Variants in AIF1 observed in about 807,000 individuals in gnomAD.
AIF1 encodes allograft inflammatory factor 1.
A neutral mutation model predicts 20.6 loss-of-function variants in AIF1; 21 were observed. That is an observed-to-expected ratio of 1.02 (90% CI 0.72 to 1.47). The LOEUF is 1.47. Among genes scored for constraint, AIF1 ranks in the 40% most tolerant of loss-of-function variants. The pLI is 0.00. For synonymous variants in AIF1, 52 were observed against 65.8 expected (o/e 0.79, Z 1.01); for missense variants, 161 against 170.5 (o/e 0.94, Z 0.31).
chr6:31,615,424 A>T, intron 1 of AIF1, 70 bp downstream of exon 1: 1 of 1,613,476 alleles, frequency 6.2e-7, no homozygotes, highest in Non-Finnish European at 8.5e-7. Context: ...GCTGTGGGCT[A>T]GGAGGGCAGT....
At position 31,616,033 on chromosome 6, in the gene AIF1, CCCCTT is replaced by C. The variant is rs1774318026; in HGVS notation, c.155-68_155-64del. 3 of 1,523,512 alleles carry C rather than the reference CCCCTT, an allele frequency of 2.0e-6. No individual in the cohort carries two copies. The Admixed American group carries it at 6.6e-5, about 34-fold the overall frequency. The allele number at this position is 1,523,512 out of a possible 1,614,324, so 94.4% of individuals were successfully genotyped here. A position where few individuals can be genotyped will look rare whatever the true frequency, so the allele number is the denominator to read the frequency against. On this transcript the variant is annotated intron_variant, in intron 3 of 5. Coordinates refer to ENST00000376059, the MANE Select transcript of AIF1 (RefSeq NM_001623.5). The surrounding 1 kb of genome is among the most constrained non-coding windows in gnomAD (Gnocchi z 4.0). ...CCTCCACCTAGCAGTTGGTTGGCAA[CCCCTT>C]CCTCAGTCCCCTGCTGAAAACCCTC... is the stretch of plus-strand genomic sequence containing the variant.
rs1583150197 is a variant in AIF1 at position 31,616,329 on chromosome 6, A to C, written c.197-15A>C. The C allele has an allele frequency of 6.2e-7, 1 of 1,612,754 alleles. No individual in the cohort carries two copies. The highest frequency in any genetic ancestry group is 2.2e-5 in the East Asian group (1 of 44,854). On this transcript the variant is annotated splice_polypyrimidine_tract_variant and intron_variant, in intron 4 of 5. Coordinates refer to ENST00000376059, the MANE Select transcript of AIF1 (RefSeq NM_001623.5). The surrounding 1 kb of genome is among the most constrained non-coding windows in gnomAD (Gnocchi z 4.0). Reference sequence around the variant, plus strand: ...GTCTCCCCACCTTCTCCCCATCCCCATCCTCTGCCCCCAGATATCATGTCC... The same window carrying C: ...GTCTCCCCACCTTCTCCCCATCCCCCTCCTCTGCCCCCAGATATCATGTCC...
In AIF1 at chr6:31,616,311, C is replaced by T; in HGVS notation, c.197-33C>T. 6.2e-7 allele frequency: 1 copy of T among 1,612,878 alleles called. No individual in the cohort carries two copies. Among genetic ancestry groups the T allele is most frequent in the Non-Finnish European group, 8.5e-7 (1 of 1,179,956 alleles). The stretch of plus-strand genomic sequence containing the variant: ...TGGGAGAGGAGAGAGAGGGTCTCCC[C>T]ACCTTCTCCCCATCCCCATCCTCTG... On this transcript the variant is annotated intron_variant, in intron 4 of 5. Transcript: ENST00000376059. This position sits in a 1 kb window ranked among gnomAD's most constrained non-coding sequence, Gnocchi z 4.0.
At chr6:31,615,774 G>A in intron 3 of AIF1, 38 bp downstream of exon 3, 1 of 1,587,762 alleles carries the variant, frequency 6.3e-7, no homozygotes, top group Non-Finnish European at 8.6e-7. Context: ...ACAGGGCTGG[G>A]GGTAGGAGGG....
Position 31,616,928 on chromosome 6 carries a change from G to A in AIF1, c.*28G>A, listed in dbSNP as rs376483694. 4 of 1,613,874 alleles carry A rather than the reference G, an allele frequency of 2.5e-6. No individual in the cohort carries two copies. Among genetic ancestry groups the A allele is most frequent in the Admixed American group, 1.7e-5 (1 of 59,964 alleles). On this transcript the variant is annotated 3_prime_UTR_variant, in exon 6 of 6. Coordinates refer to ENST00000376059, the MANE Select transcript of AIF1 (RefSeq NM_001623.5). The surrounding 1 kb of genome is among the most constrained non-coding windows in gnomAD (Gnocchi z 4.0). ...TGAAGGGAAAAGGGATGATGGGATT[G>A]AAGGGGCTTCTAATGACCCAGATAT...
chr6:31,616,864 C>T lies in AIF1; in HGVS notation c.408C>T (p.Gly136=), dbSNP rs934040063. The change falls in exon 6 of 6, where the codon GGC becomes GGT. Residue 136 remains glycine (G), a synonymous_variant. Transcript: ENST00000376059. The surrounding 1 kb of genome is among the most constrained non-coding windows in gnomAD (Gnocchi z 4.0). ...CGAGAGAAAAGGAAAAGCCAACAGGCCCCCCAGCCAAGAAAGCTATCTCTG... is the reference window on the plus strand; with the variant it reads ...CGAGAGAAAAGGAAAAGCCAACAGGTCCCCCAGCCAAGAAAGCTATCTCTG... The part of the protein sequence containing the change: ...EKAREKEKPT[G]PPAKKAISEL... The T allele has an allele frequency of 7.4e-6, 12 of 1,614,002 alleles. No individual in the cohort carries two copies. The highest frequency in any genetic ancestry group is 1.6e-4 in the Middle Eastern group (1 of 6,080).
At position 31,616,451 on chromosome 6, in the gene AIF1, A is replaced by G. The variant is rs1194146189; in HGVS notation, c.304A>G (p.Ser102Gly). Residue 102 changes from serine (S) to glycine (G), a missense_variant, in exon 5 of 6, where the codon AGC (serine) becomes GGC (glycine). Coordinates refer to ENST00000376059, the MANE Select transcript of AIF1 (RefSeq NM_001623.5). This position sits in a 1 kb window ranked among gnomAD's most constrained non-coding sequence, Gnocchi z 4.0. Reference protein sequence around the residue: ...EVSSGSGETFSYPDFLRMMLG... With the variant: ...EVSSGSGETFGYPDFLRMMLG... ...GTCCAGTGGCTCCGGGGAGACGTTC[A>G]GCTACCCTGACTTTCTCAGGATGAT... 1 of 1,612,956 alleles carries G rather than the reference A, an allele frequency of 6.2e-7. No homozygotes were observed.
chr6:31,616,934 G>A lies in AIF1; in HGVS notation c.*34G>A, dbSNP rs564950528. Reference sequence around the variant, plus strand: ...GAAAAGGGATGATGGGATTGAAGGGGCTTCTAATGACCCAGATATGGAAAC... The same window carrying A: ...GAAAAGGGATGATGGGATTGAAGGGACTTCTAATGACCCAGATATGGAAAC... On this transcript the variant is annotated 3_prime_UTR_variant, in exon 6 of 6. Coordinates refer to ENST00000376059, the MANE Select transcript of AIF1 (RefSeq NM_001623.5). This position sits in a 1 kb window ranked among gnomAD's most constrained non-coding sequence, Gnocchi z 4.0. 1.9e-6 allele frequency: 3 copies of A among 1,613,476 alleles called. No individual in the cohort carries two copies. In the East Asian group the frequency reaches 6.7e-5, roughly 36 times the overall value.
Position 31,616,886 on chromosome 6 carries a change from T to C in AIF1, c.430T>C (p.Ser144Pro). Residue 144 changes from serine to proline, a missense_variant, in exon 6 of 6, where the codon TCT (serine) becomes CCT (proline). By Grantham distance (74) the Ser-to-Pro change is moderately conservative. Coordinates refer to ENST00000376059, the MANE Select transcript of AIF1 (RefSeq NM_001623.5). This position sits in a 1 kb window ranked among gnomAD's most constrained non-coding sequence, Gnocchi z 4.0. ...PTGPPAKKAI[S>P]ELP is the part of the protein sequence containing the mutation. Reference sequence around the variant, plus strand: ...AGGCCCCCCAGCCAAGAAAGCTATCTCTGAGTTGCCCTGATTTGAAGGGAA... The same window carrying C: ...AGGCCCCCCAGCCAAGAAAGCTATCCCTGAGTTGCCCTGATTTGAAGGGAA... 1 of 1,614,166 alleles carries C rather than the reference T, an allele frequency of 6.2e-7. No homozygotes were observed. The highest frequency in any genetic ancestry group is 8.5e-7 in the Non-Finnish European group (1 of 1,180,028).
In AIF1 at chr6:31,616,606, T is replaced by G; in HGVS notation, c.359+100T>G. The G allele has an allele frequency of 6.6e-7, 1 of 1,511,840 alleles. No homozygotes were observed. Among genetic ancestry groups the G allele is most frequent in the East Asian group, 2.3e-5 (1 of 43,648 alleles). 93.7% of individuals were successfully genotyped at this position (1,511,840 alleles called of 1,614,324 possible). A position where few individuals can be genotyped will look rare whatever the true frequency, so the allele number is the denominator to read the frequency against. On this transcript the variant is annotated intron_variant, in intron 5 of 5. Transcript: ENST00000376059. The surrounding 1 kb of genome is among the most constrained non-coding windows in gnomAD (Gnocchi z 4.0). ...CAACATTTCTACACGTTGCCCATCA[T>G]CCCTTCTTCCATCCTTAGAGGGACC...
chr6:31,616,755 A>G lies in AIF1; in HGVS notation c.360-61A>G, dbSNP rs1774413476. On this transcript the variant is annotated intron_variant, in intron 5 of 5. Coordinates refer to ENST00000376059, the MANE Select transcript of AIF1 (RefSeq NM_001623.5). This position sits in a 1 kb window ranked among gnomAD's most constrained non-coding sequence, Gnocchi z 4.0. ...CCCTTCTAGCCTTTCCTAGCACCCT[A>G]TGATTTATTCCCTTGAGAGGAGTGT... The G allele has an allele frequency of 3.7e-6, 6 of 1,611,904 alleles. No homozygotes were observed. Among genetic ancestry groups the G allele is most frequent in the Non-Finnish European group, 4.2e-6 (5 of 1,178,918 alleles).
At position 31,616,848 on chromosome 6, in the gene AIF1, AG is replaced by A; in HGVS notation, c.394del (p.Glu132LysfsTer42). ...ILMYEEKARE[K>X]EKPTGPPAKK... ...ATGTATGAGGAAAAAGCGAGAGAAA[AG>A]GAAAAGCCAACAGGCCCCCCAGCCA... On this transcript the variant is annotated frameshift_variant, in exon 6 of 6. Coordinates refer to ENST00000376059, the MANE Select transcript of AIF1 (RefSeq NM_001623.5). LOFTEE classifies it high-confidence loss of function. This position sits in a 1 kb window ranked among gnomAD's most constrained non-coding sequence, Gnocchi z 4.0. The A allele has an allele frequency of 6.2e-7, 1 of 1,614,200 alleles. No individual in the cohort carries two copies. Among genetic ancestry groups the A allele is most frequent in the African/African-American group, 1.3e-5 (1 of 75,054 alleles).
intron 3 of AIF1, 37 bp downstream of exon 3, chr6:31,615,773 G>C: frequency 6.3e-7 from 1 of 1,588,792 alleles, no homozygotes; most frequent in Non-Finnish European, 8.6e-7. Flanking sequence ...GACAGGGCTG[G>C]GGGTAGGAGG....
At chr6:31,615,930 C>T (rs1583148317) in intron 3 of AIF1, 174 bp from the exon 4 acceptor site, 2 of 1,476,378 alleles carry the variant, frequency 1.4e-6, no homozygotes, top group East Asian at 2.4e-5. Flanking sequence ...CCCTCTAGCT[C>T]CTTACACCCT....
Position 31,616,874 on chromosome 6 carries a change from A to G in AIF1, c.418A>G (p.Lys140Glu). 1 of 1,614,252 alleles carries G rather than the reference A, an allele frequency of 6.2e-7. No individual in the cohort carries two copies. Among genetic ancestry groups the G allele is most frequent in the Non-Finnish European group, 8.5e-7 (1 of 1,180,050 alleles). The change falls in exon 6 of 6, where the codon AAG (lysine) becomes GAG (glutamate). Residue 140 changes from lysine to glutamate, a missense_variant. By Grantham distance (56) the Lys-to-Glu change is moderately conservative. Transcript: ENST00000376059. The surrounding 1 kb of genome is among the most constrained non-coding windows in gnomAD (Gnocchi z 4.0). Reference protein sequence around the residue: ...EKEKPTGPPAKKAISELP With the variant: ...EKEKPTGPPAEKAISELP ...GGAAAAGCCAACAGGCCCCCCAGCC[A>G]AGAAAGCTATCTCTGAGTTGCCCTG...
Position 31,616,893 on chromosome 6 carries a change from TG to T in AIF1, c.438del (p.Leu146PhefsTer28), listed in dbSNP as rs1774430996. On this transcript the variant is annotated frameshift_variant, in exon 6 of 6. Transcript: ENST00000376059. LOFTEE classifies it high-confidence loss of function. The surrounding 1 kb of genome is among the most constrained non-coding windows in gnomAD (Gnocchi z 4.0). ...CCAGCCAAGAAAGCTATCTCTGAGT[TG>T]CCCTGATTTGAAGGGAAAAGGGATG... is the stretch of plus-strand genomic sequence containing the variant. ...GPPAKKAISE[L>X]P 6.2e-7 allele frequency: 1 copy of T among 1,614,082 alleles called. No homozygotes were observed. The highest frequency in any genetic ancestry group is 8.5e-7 in the Non-Finnish European group (1 of 1,180,048).
rs763987061 is a variant in AIF1 at position 31,615,309 on chromosome 6, T to C, written c.-21T>C. The C allele has an allele frequency of 3.7e-6, 6 of 1,608,960 alleles. No homozygotes were observed. In the South Asian group the frequency reaches 6.6e-5, roughly 18 times the overall value. On this transcript the variant is annotated 5_prime_UTR_variant, in exon 1 of 6. Transcript: ENST00000376059. The stretch of plus-strand genomic sequence containing the variant: ...CTCCAGCTTGGTCTGTCTCCCCACC[T>C]CTACCAGCATCTGCTGAGCTATGAG...
At position 31,615,368 on chromosome 6, in the gene AIF1, G is replaced by GC; in HGVS notation, c.25+14_25+15insC. 55 of 905,438 alleles carry GC rather than the reference G, an allele frequency of 6.1e-5. No individual in the cohort carries two copies. Among genetic ancestry groups the GC allele is most frequent in the Non-Finnish European group, 8.9e-5 (50 of 562,052 alleles). The allele number at this position is 905,438 out of a possible 1,614,324, so 56.1% of individuals were successfully genotyped here. On this transcript the variant is annotated intron_variant, in intron 1 of 5. Transcript: ENST00000376059. ...GGGATTTACAGGGTAGGGAGGGTGG[G>GC]ATAGGCAGCGGCATTAGATCGGAGG... is the stretch of plus-strand genomic sequence containing the variant.
Position 31,616,573 on chromosome 6 carries a change from C to T in AIF1, c.359+67C>T. The T allele has an allele frequency of 6.5e-7, 1 of 1,542,312 alleles. No homozygotes were observed. The highest frequency in any genetic ancestry group is 8.7e-7 in the Non-Finnish European group (1 of 1,146,240). On this transcript the variant is annotated intron_variant, in intron 5 of 5. Transcript: ENST00000376059. The surrounding 1 kb of genome is among the most constrained non-coding windows in gnomAD (Gnocchi z 4.0). ...CTCCTCCCCCATCCCTACCCTTGTC[C>T]ACAGGCTCAACATTTCTACACGTTG...
Sources: allele counts gnomAD v4.1 joint callset, GRCh38; gene constraint gnomAD v4.1.1; non-coding constraint Gnocchi (gnomAD v3.1); transcripts MANE v1.5; gene names NCBI Gene and HGNC (gene_info 2026-07-23, HGNC 2026-07-21).